The following GSK3B variants were observed in gnomAD, a reference collection of about 807,000 sequenced individuals.
GSK3B encodes the protein glycogen synthase kinase-3 beta.
GSK3B carries 15 observed loss-of-function variants against 56.4 expected under a neutral mutation model. That is an observed-to-expected ratio of 0.27 (90% CI 0.18 to 0.41). The LOEUF (loss-of-function observed/expected upper bound fraction) is 0.41, where lower values mean the gene tolerates loss of function less well. GSK3B is among the 10% of genes least tolerant of loss of function. GSK3B has a pLI of 1.00. For missense variants in GSK3B, 300 were observed against 513.4 expected (o/e 0.58, Z 4.02); for synonymous variants, 181 against 188.9 (o/e 0.96, Z 0.34).
At chr3:119,955,962 G>A (rs945869744) in intron 2 of GSK3B, among the ~76,000 whole-genome samples, 1 of 151,796 alleles carries the variant, frequency 6.6e-6, no homozygotes, top group Non-Finnish European at 1.5e-5. Context: ...CCACTAATGT[G>A]TTTTACACAA....
At chr3:119,970,143 T>C (rs2057352377) in intron 2 of GSK3B, among the ~76,000 whole-genome samples, 1 of 152,176 alleles carries the variant, frequency 6.6e-6, no homozygotes, top group Admixed American at 6.5e-5. Context: ...AACTTTACTA[T>C]AGGTATGTAT....
At chr3:120,037,279 T>A (rs1049919738) in intron 1 of GSK3B, among the ~76,000 whole-genome samples, 1 of 152,140 alleles carries the variant, frequency 6.6e-6, no homozygotes, top group Non-Finnish European at 1.5e-5. Flanking sequence ...GGTCCCTCTA[T>A]CCACTCTAGA....
intron 7 of GSK3B, among the ~76,000 whole-genome samples, chr3:119,903,641 G>A (rs759358372): frequency 2.6e-5 from 4 of 152,056 alleles, no homozygotes; most frequent in African/African-American, 4.8e-5. Context: ...AAGGTATTAC[G>A]GCAAGCATGA....
chr3:119,909,788 G>C (rs1475311008), intron 6 of GSK3B, among the ~76,000 whole-genome samples: 1 of 151,966 alleles, frequency 6.6e-6, no homozygotes. Flanking sequence ...GTGAAGACTT[G>C]AGAAGGTCAA....
intron 7 of GSK3B, among the ~76,000 whole-genome samples, chr3:119,892,654 A>T (rs2056516323): frequency 6.6e-6 from 1 of 152,158 alleles, no homozygotes; most frequent in African/African-American, 2.4e-5. Flanking sequence ...TCACTAAATT[A>T]ACGCATGTAG....
chr3:119,999,673 T>G (rs914970850), intron 2 of GSK3B, among the ~76,000 whole-genome samples: 16 of 152,134 alleles, frequency 1.1e-4, no homozygotes, highest in African/African-American at 3.9e-4. Context: ...AATAGCAAGA[T>G]CTCCATAGCT....
At chr3:119,932,342 C>T (rs1345782868) in intron 3 of GSK3B, among the ~76,000 whole-genome samples, 1 of 152,004 alleles carries the variant, frequency 6.6e-6, no homozygotes, top group Non-Finnish European at 1.5e-5. Flanking sequence ...GAATATAGTA[C>T]TAATAGTAAA....
intron 1 of GSK3B, among the ~76,000 whole-genome samples, chr3:120,077,914 A>G (rs2058380988): frequency 6.6e-6 from 1 of 152,148 alleles, no homozygotes; most frequent in Non-Finnish European, 1.5e-5. Flanking sequence ...AGGCCCCGGA[A>G]TAAATCAATT....
chr3:119,956,776 G>A (rs1040625262), intron 2 of GSK3B, among the ~76,000 whole-genome samples: 3 of 152,142 alleles, frequency 2.0e-5, no homozygotes, highest in African/African-American at 7.2e-5. Flanking sequence ...GCAGACAGAA[G>A]AAAAGGAATC....
At chr3:120,029,806 T>C (rs1267786774) in intron 1 of GSK3B, 12 of 553,370 alleles carry the variant, frequency 2.2e-5, no homozygotes, top group East Asian at 4.9e-5. Flanking sequence ...AGGGAGCTTC[T>C]AGTGAAAATC....
intron 2 of GSK3B, among the ~76,000 whole-genome samples, chr3:119,955,770 C>A (rs1370074294): frequency 1.3e-5 from 2 of 152,140 alleles, no homozygotes; most frequent in Admixed American, 6.5e-5. Context: ...TCTCCTGCCT[C>A]ACCCTCCTGA....
At chr3:119,980,898 A>G (rs1181698122) in intron 2 of GSK3B, among the ~76,000 whole-genome samples, 1 of 152,218 alleles carries the variant, frequency 6.6e-6, no homozygotes, top group African/African-American at 2.4e-5. Flanking sequence ...GTTTAAAGAA[A>G]GAGATGTTTA....
chr3:120,030,978 C>T (rs2107521472), intron 1 of GSK3B, among the ~76,000 whole-genome samples: 1 of 152,316 alleles, frequency 6.6e-6, no homozygotes, highest in East Asian at 1.9e-4. Flanking sequence ...CTGCTCCTAA[C>T]AAACTCTGTT....
Position 119,974,218 on chromosome 3 carries a change from C to T in GSK3B, c.283-26867G>A, listed in dbSNP as rs147961852. On this transcript the variant is annotated intron_variant, in intron 2 of 10. Transcript: ENST00000264235. ...TACGTATCTGATAAATGACTGTTACCCAAAACATACAAAGAATTCTTAAAA... is the reference window on the plus strand; with the variant it reads ...TACGTATCTGATAAATGACTGTTACTCAAAACATACAAAGAATTCTTAAAA... 9.9e-5 allele frequency among the ~76,000 whole-genome samples: 15 copies of T among 152,090 alleles called. No homozygotes were observed. The East Asian group carries it at 1.4e-3, about 14-fold the overall frequency.
At position 119,824,119 on chromosome 3, in the gene GSK3B, A is replaced by C. The variant is rs2055459219; in HGVS notation, c.*2669T>G. The stretch of plus-strand genomic sequence containing the variant: ...AACAGTAACTTTTTGCTCATTAATA[A>C]CAGTTCCTGGGTCCACATATTTACA... On this transcript the variant is annotated 3_prime_UTR_variant, in exon 11 of 11. Transcript: ENST00000264235. 1 of 202,138 alleles carries C rather than the reference A, an allele frequency of 4.9e-6. No homozygotes were observed. Among genetic ancestry groups the C allele is most frequent in the African/African-American group, 2.3e-5 (1 of 43,628 alleles). The allele number at this position is 202,138 out of a possible 1,614,324, so 12.5% of individuals were successfully genotyped here.
chr3:119,905,682 CATGT>C (rs1179248334), intron 7 of GSK3B, 69 bp downstream of exon 7: 2 of 867,664 alleles, frequency 2.3e-6, no homozygotes, highest in Non-Finnish European at 4.0e-6. Flanking sequence ...CGTATGTGTA[CATGT>C]GTGATATATA....
At chr3:119,971,179 C>T (rs893816010) in intron 2 of GSK3B, among the ~76,000 whole-genome samples, 2 of 152,158 alleles carry the variant, frequency 1.3e-5, no homozygotes, top group Non-Finnish European at 2.9e-5. Context: ...TTTTGGACCT[C>T]AGAATGCTGT....
chr3:119,914,117 A>T (rs908071919), intron 5 of GSK3B, among the ~76,000 whole-genome samples: 1 of 152,012 alleles, frequency 6.6e-6, no homozygotes, highest in Non-Finnish European at 1.5e-5. Context: ...ACTGGTTTTA[A>T]CTACTTCCCA....
chr3:119,878,411 T>C (rs2056339376), intron 7 of GSK3B, among the ~76,000 whole-genome samples: 1 of 152,052 alleles, frequency 6.6e-6, no homozygotes, highest in Admixed American at 6.5e-5. Context: ...TAAAACAAGA[T>C]ACCACCATAT....
Sources: allele counts gnomAD v4.1 joint callset (sites outside exome capture counted in the v4.1 genomes callset), GRCh38; gene constraint gnomAD v4.1.1; transcripts MANE v1.5; gene names NCBI Gene and HGNC (gene_info 2026-07-23, HGNC 2026-07-21).